Variants in TBCK observed in about 807,000 individuals in gnomAD.
TBCK encodes the protein TBC1 domain containing kinase, also known as TBC domain-containing protein kinase-like protein.
In TBCK, 99 loss-of-function variants were observed where a neutral mutation model predicts 113.4. That is an observed-to-expected ratio of 0.87 (90% confidence interval 0.74 to 1.03). TBCK has a LOEUF of 1.03. Among genes scored for constraint, TBCK ranks in the 50% least tolerant of loss-of-function variants. The pLI, the probability that TBCK is intolerant of heterozygous loss-of-function variation, is 0.00. For synonymous variants in TBCK, 369 were observed against 370.8 expected (o/e 1.00, Z 0.05); for missense variants, 1,045 against 1,061.3 (o/e 0.98, Z 0.21).
intron 22 of TBCK, among the ~76,000 whole-genome samples, chr4:106,181,876 TTA>T (rs1484734770): frequency 6.6e-6 from 1 of 152,160 alleles, no homozygotes; most frequent in Non-Finnish European, 1.5e-5. Flanking sequence ...CATATGAAGT[TTA>T]AAGTAGTTTT....
At chr4:106,102,377 T>C (rs1741658121) in intron 24 of TBCK, among the ~76,000 whole-genome samples, 1 of 152,186 alleles carries the variant, frequency 6.6e-6, no homozygotes, top group African/African-American at 2.4e-5. Flanking sequence ...TGCAGGCTTT[T>C]TGTATTTTAA....
intron 19 of TBCK, among the ~76,000 whole-genome samples, chr4:106,225,149 T>C (rs972084765): frequency 3.3e-5 from 5 of 152,334 alleles, no homozygotes; most frequent in African/African-American, 9.6e-5. Flanking sequence ...ACTAAATTAA[T>C]TGAAACTGTT....
intron 25 of TBCK, among the ~76,000 whole-genome samples, chr4:106,054,202 TCCCAACTC>T (rs147456275): frequency 0.014 from 2,081 of 151,712 alleles, 53 homozygotes; most frequent in African/African-American, 0.047. Flanking sequence ...GCAAACAATT[TCCCAACTC>T]CCCAACTCCC....
At chr4:106,194,326 C>T (rs566011392) in intron 21 of TBCK, among the ~76,000 whole-genome samples, 11 of 152,022 alleles carry the variant, frequency 7.2e-5, no homozygotes, top group South Asian at 6.2e-4. Context: ...TAAAGTATTA[C>T]GCATTCACAT....
chr4:106,191,373 C>T (rs1753648186), intron 22 of TBCK, among the ~76,000 whole-genome samples: 1 of 152,138 alleles, frequency 6.6e-6, no homozygotes, highest in Non-Finnish European at 1.5e-5. Flanking sequence ...TTCATACATA[C>T]TTTTAACAGA....
chr4:106,240,098 T>C (rs1759923104), intron 12 of TBCK, among the ~76,000 whole-genome samples: 1 of 151,938 alleles, frequency 6.6e-6, no homozygotes, highest in Non-Finnish European at 1.5e-5. Context: ...CCCATCAACA[T>C]AATTAAATCC....
chr4:106,191,395 T>C (rs1177457690), intron 22 of TBCK, among the ~76,000 whole-genome samples: 1 of 152,176 alleles, frequency 6.6e-6, no homozygotes, highest in Non-Finnish European at 1.5e-5. Flanking sequence ...AGAATGCTCA[T>C]CAGTTAAAAA....
chr4:106,079,549 A>G (rs1377864337), intron 25 of TBCK, among the ~76,000 whole-genome samples: 1 of 152,216 alleles, frequency 6.6e-6, no homozygotes, highest in Non-Finnish European at 1.5e-5. Flanking sequence ...TCAAGGACAT[A>G]AATCCATTTA....
At chr4:106,060,974 G>T (rs1044477975) in intron 25 of TBCK, among the ~76,000 whole-genome samples, 1 of 151,758 alleles carries the variant, frequency 6.6e-6, no homozygotes, top group Non-Finnish European at 1.5e-5. Flanking sequence ...CAGAGCCTGA[G>T]ATGTGGCTGA....
intron 19 of TBCK, among the ~76,000 whole-genome samples, chr4:106,214,290 A>G (rs1756571905): frequency 6.6e-6 from 1 of 152,220 alleles, no homozygotes; most frequent in Non-Finnish European, 1.5e-5. Flanking sequence ...GAAAAACTGG[A>G]AACTCTAAAA....
intron 3 of TBCK, among the ~76,000 whole-genome samples, chr4:106,284,488 G>A (rs1480232213): frequency 2.6e-5 from 4 of 152,082 alleles, no homozygotes; most frequent in Non-Finnish European, 4.4e-5. Context: ...AAGTCTTCAC[G>A]TATAACTTCT....
At chr4:106,298,819 G>A (rs1766606463) in intron 2 of TBCK, among the ~76,000 whole-genome samples, 1 of 152,150 alleles carries the variant, frequency 6.6e-6, no homozygotes, top group South Asian at 2.1e-4. Context: ...CAAGAGAAGT[G>A]TCTAGTTAAG....
rs776636719 is a variant in TBCK at position 106,046,585 on chromosome 4, T to C, written c.2667A>G (p.Pro889=). ...KIKPTGLLTI[P]SPQI ...TCTTGGTTCTTCATATTTGAGGAGATGGGATGGTGAGGAGGCCTGTTGGCT... is the reference window on the plus strand; with the variant it reads ...TCTTGGTTCTTCATATTTGAGGAGACGGGATGGTGAGGAGGCCTGTTGGCT... The change falls in exon 26 of 26, where the codon CCA becomes CCG. Residue 889 remains proline (P), a synonymous_variant. Transcript: ENST00000394708. The C allele has an allele frequency of 1.6e-5, 25 of 1,599,982 alleles. 1 individual carries two copies. The highest frequency in any genetic ancestry group is 4.5e-5 in the East Asian group (2 of 44,810).
intron 20 of TBCK, among the ~76,000 whole-genome samples, chr4:106,202,843 C>T (rs1203489455): frequency 1.3e-5 from 2 of 151,916 alleles, no homozygotes; most frequent in Non-Finnish European, 2.9e-5. Context: ...CAATAAGAAA[C>T]CTGGACCATT....
chr4:106,097,714 C>A (rs1239976993), intron 24 of TBCK, among the ~76,000 whole-genome samples: 1 of 152,038 alleles, frequency 6.6e-6, no homozygotes, highest in Non-Finnish European at 1.5e-5. Context: ...CTTTAGGCAA[C>A]TTCTAGACAT....
chr4:106,183,009 C>T (rs62321380), intron 22 of TBCK, among the ~76,000 whole-genome samples: 11,656 of 152,102 alleles, frequency 0.077, 511 homozygotes, highest in Middle Eastern at 0.18. Context: ...TCAAGGAATA[C>T]AGCATAGAAT....
chr4:106,104,342 G>A (rs1037521570), intron 24 of TBCK, among the ~76,000 whole-genome samples: 5 of 152,202 alleles, frequency 3.3e-5, no homozygotes, highest in African/African-American at 1.2e-4. Context: ...CAGGGAGATG[G>A]GTGGGTTGCC....
At chr4:106,221,894 T>A (rs1713676636) in intron 19 of TBCK, among the ~76,000 whole-genome samples, 1 of 152,092 alleles carries the variant, frequency 6.6e-6, no homozygotes, top group Non-Finnish European at 1.5e-5. Context: ...GATGAAATAA[T>A]CTGTACACCA....
At chr4:106,166,116 C>T (rs1266213957) in intron 23 of TBCK, among the ~76,000 whole-genome samples, 2 of 151,562 alleles carry the variant, frequency 1.3e-5, no homozygotes, top group Admixed American at 6.6e-5. Context: ...AATAAATATT[C>T]TTTTTACAGC....
Sources: allele counts gnomAD v4.1 joint callset (sites outside exome capture counted in the v4.1 genomes callset), GRCh38; gene constraint gnomAD v4.1.1; transcripts MANE v1.5; gene names NCBI Gene and HGNC (gene_info 2026-07-23, HGNC 2026-07-21).